The following ADAMTSL2 variants were observed in gnomAD, a reference collection of about 807,000 sequenced individuals.
ADAMTSL2 encodes ADAMTS-like protein 2.
In ADAMTSL2, 55 loss-of-function variants were observed where a neutral mutation model predicts 117.0. The observed-to-expected ratio is 0.47, with a 90% CI of 0.38 to 0.59. The LOEUF is 0.59. Among genes scored for constraint, ADAMTSL2 ranks in the 20% least tolerant of loss-of-function variants. ADAMTSL2 has a pLI of 0.00. For missense variants in ADAMTSL2, 1,182 were observed against 1,354.5 expected (o/e 0.87, Z 2.00); for synonymous variants, 572 against 566.4 (o/e 1.01, Z -0.14).
At chr9:133,538,757 C>T (rs1185129998) in intron 4 of ADAMTSL2, among the ~76,000 whole-genome samples, 2 of 152,188 alleles carry the variant, frequency 1.3e-5, no homozygotes, top group Admixed American at 6.5e-5. Context: ...GCACCTGGTG[C>T]TCACAGAGAC....
rs189143682 is a variant in ADAMTSL2, at chr9:133,538,861, C to T, written c.309+437C>T. ...TGCTCTCGGAGCCCTTCTGCTCCAGCCCCCATCAGCTTCCTTGGGTAGCCG... is the reference window on the plus strand; with the variant it reads ...TGCTCTCGGAGCCCTTCTGCTCCAGTCCCCATCAGCTTCCTTGGGTAGCCG... On this transcript the variant is annotated intron_variant, in intron 4 of 18. Transcript: ENST00000651351. Among the ~76,000 whole-genome samples the T allele has an allele frequency of 3.2e-3, 494 of 152,222 alleles. 1 individual carries two copies. Among genetic ancestry groups the T allele is most frequent in the African/African-American group, 0.012 (480 of 41,534 alleles).
At position 133,557,043 on chromosome 9, in the gene ADAMTSL2, C is replaced by T. The variant is rs1041886064; in HGVS notation, c.1649+1113C>T. ...CCAACCCAAGCCCTTTGACTTTAGA[C>T]GCAAGCATGAACTGAACCCGGCCTG... On this transcript the variant is annotated intron_variant, in intron 11 of 18. Transcript: ENST00000651351. This position sits in a 1 kb window ranked among gnomAD's most constrained non-coding sequence, Gnocchi z 5.2. 1.2e-4 allele frequency among the ~76,000 whole-genome samples: 18 copies of T among 152,292 alleles called. No individual in the cohort carries two copies. Among genetic ancestry groups the T allele is most frequent in the Admixed American group, 3.3e-4 (5 of 15,304 alleles).
intron 12 of ADAMTSL2, among the ~76,000 whole-genome samples, chr9:133,565,880 CAGCAGA>C: frequency 6.6e-6 from 1 of 151,384 alleles, no homozygotes; most frequent in Admixed American, 6.6e-5. Flanking sequence ...CACACAGCCA[CAGCAGA>C]AGCAGCAAAC....
At position 133,557,670 on chromosome 9, in the gene ADAMTSL2, G is replaced by A. The variant is rs1367002945; in HGVS notation, c.1649+1740G>A. 2.6e-5 allele frequency among the ~76,000 whole-genome samples: 4 copies of A among 152,154 alleles called. No homozygotes were observed. Among genetic ancestry groups the A allele is most frequent in the South Asian group, 2.1e-4 (1 of 4,836 alleles). ...CCCTCTTCACCTCCCAGGGCAGTCC[G>A]GGGCATTCCCTGGTATTCCGTGTGT... On this transcript the variant is annotated intron_variant, in intron 11 of 18. Coordinates refer to ENST00000651351, the MANE Select transcript of ADAMTSL2 (RefSeq NM_014694.4). This position sits in a 1 kb window ranked among gnomAD's most constrained non-coding sequence, Gnocchi z 5.2.
chr9:133,536,571 A>G lies in ADAMTSL2; in HGVS notation c.-142A>G. ...TTCATCCTTCCCAACAGGGTCTGCC[A>G]GACAACCACGACCAACTAGTCCCAG... On this transcript the variant is annotated 5_prime_UTR_variant, in exon 2 of 19. Coordinates refer to ENST00000651351, the MANE Select transcript of ADAMTSL2 (RefSeq NM_014694.4). The G allele has an allele frequency of 6.3e-7, 1 of 1,583,062 alleles. No homozygotes were observed. The highest frequency in any genetic ancestry group is 8.6e-7 in the Non-Finnish European group (1 of 1,162,750).
At chr9:133,569,617 C>T in intron 16 of ADAMTSL2, 39 bp downstream of exon 16, 1 of 1,548,334 alleles carries the variant, frequency 6.5e-7, no homozygotes, top group South Asian at 1.2e-5. Flanking sequence ...CTCCTGGTAT[C>T]TGGAGAGCAT....
At chr9:133,544,579 C>T (rs141460094) in intron 8 of ADAMTSL2, 29 bp downstream of exon 8, 7 of 1,594,304 alleles carry the variant, frequency 4.4e-6, no homozygotes, top group African/African-American at 4.0e-5. Flanking sequence ...GCAGCTGCCT[C>T]ACTGAGCTTT....
chr9:133,534,739 G>C lies in ADAMTSL2; in HGVS notation c.-329G>C, dbSNP rs563347015. 298 of 1,415,640 alleles carry C rather than the reference G, an allele frequency of 2.1e-4. No homozygotes were observed. In the African/African-American group the frequency reaches 2.9e-3, roughly 14 times the overall value. 87.7% of individuals were successfully genotyped at this position (1,415,640 alleles called of 1,614,324 possible). A position where few individuals can be genotyped will look rare whatever the true frequency, so the allele number is the denominator to read the frequency against. On this transcript the variant is annotated 5_prime_UTR_variant, in exon 1 of 19. Transcript: ENST00000651351. ...GCCCCTCCCGGGAACCCCCTCTCTTGGATGCTCTTTGAAGTGGGAGAGGGA... is the reference window on the plus strand; with the variant it reads ...GCCCCTCCCGGGAACCCCCTCTCTTCGATGCTCTTTGAAGTGGGAGAGGGA...
intron 1 of ADAMTSL2, 138 bp from the exon 2 acceptor site, chr9:133,536,425 C>A: frequency 7.9e-7 from 1 of 1,272,944 alleles, no homozygotes; most frequent in Non-Finnish European, 1.1e-6. Context: ...TCCCTGCATG[C>A]CCTTGGATCA....
rs371616535 is a variant in ADAMTSL2, at chr9:133,568,578, CT to C, written c.2089-24del. On this transcript the variant is annotated intron_variant, in intron 14 of 18. Coordinates refer to ENST00000651351, the MANE Select transcript of ADAMTSL2 (RefSeq NM_014694.4). ...TGGCTACACCTGTGTCACACCCCCCCTGCCCCCTCCCCCTGCCGCCCCAGTG... is the reference window on the plus strand; with the variant it reads ...TGGCTACACCTGTGTCACACCCCCCCGCCCCCTCCCCCTGCCGCCCCAGTG... 3,167 of 1,557,890 alleles carry C rather than the reference CT, an allele frequency of 2.0e-3. 56 individuals carry two copies. In the African/African-American group the frequency reaches 0.037, roughly 18 times the overall value.
chr9:133,570,497 C>T lies in ADAMTSL2; in HGVS notation c.2582C>T (p.Pro861Leu), dbSNP rs1831080999. The change falls in exon 17 of 19, where the codon CCC (proline) becomes CTC (leucine). Residue 861 changes from proline to leucine, a missense_variant. Pro to Leu is a moderately conservative substitution (Grantham distance 98). Coordinates refer to ENST00000651351, the MANE Select transcript of ADAMTSL2 (RefSeq NM_014694.4). ...CCCTGCTTCAAGTGGTACACCAGCC[C>T]CTGGTCAGAGGTGAGCTCCCAGCCG... Reference protein sequence around the residue: ...ERPCFKWYTSPWSECTKTCGV... With the variant: ...ERPCFKWYTSLWSECTKTCGV... The T allele has an allele frequency of 6.2e-7, 1 of 1,611,678 alleles. No individual in the cohort carries two copies. Among genetic ancestry groups the T allele is most frequent in the Non-Finnish European group, 8.5e-7 (1 of 1,179,492 alleles).
At position 133,544,980 on chromosome 9, in the gene ADAMTSL2, C is replaced by T. The variant is rs190448207; in HGVS notation, c.763+430C>T. ...GGATTCCGACTCAGGTCTGGGGTCT[C>T]ATGCTGATGTTCTTGCCATTAGTCA... On this transcript the variant is annotated intron_variant, in intron 8 of 18. Transcript: ENST00000651351. Among the ~76,000 whole-genome samples, 244 of 149,706 alleles carry T rather than the reference C, an allele frequency of 1.6e-3. 2 individuals are homozygous for T. Among genetic ancestry groups the T allele is most frequent in the African/African-American group, 5.5e-3 (226 of 41,386 alleles).
chr9:133,554,692 A>T lies in ADAMTSL2; in HGVS notation c.1275A>T (p.Arg425=). The part of the protein sequence containing the change: ...CEGPPRGKGF[R]DRNVTGTPLT... ...GGCCCCCCAGGGGCAAGGGCTTCCG[A>T]GGTAACCAGGAGGAGGGAGGCATGA... Residue 425 remains arginine, a splice_region_variant and synonymous_variant, in exon 10 of 19, where the codon CGA becomes CGT. Transcript: ENST00000651351. The surrounding 1 kb of genome is among the most constrained non-coding windows in gnomAD (Gnocchi z 5.2). 1 of 1,486,620 alleles carries T rather than the reference A, an allele frequency of 6.7e-7. No homozygotes were observed. The highest frequency in any genetic ancestry group is 1.3e-5 in the South Asian group (1 of 74,548). The allele number at this position is 1,486,620 out of a possible 1,614,324, so 92.1% of individuals were successfully genotyped here.
intron 12 of ADAMTSL2, among the ~76,000 whole-genome samples, chr9:133,561,669 A>C (rs1034622689): frequency 1.3e-5 from 2 of 152,206 alleles, no homozygotes; most frequent in Non-Finnish European, 2.9e-5. Flanking sequence ...CAAACATAGG[A>C]AGGGAGTCAT....
intron 9 of ADAMTSL2, among the ~76,000 whole-genome samples, chr9:133,547,721 C>T (rs1206712114): frequency 1.3e-5 from 2 of 152,200 alleles, no homozygotes; most frequent in Admixed American, 1.3e-4. Context: ...TCAGGCTCCA[C>T]CCCCTCCCCA....
chr9:133,568,326 A>G lies in ADAMTSL2; in HGVS notation c.1928A>G (p.Gln643Arg). 6.3e-7 allele frequency: 1 copy of G among 1,584,674 alleles called. No homozygotes were observed. The highest frequency in any genetic ancestry group is 8.6e-7 in the Non-Finnish European group (1 of 1,166,360). Residue 643 changes from glutamine to arginine, a missense_variant, in exon 14 of 19, where the codon CAG (glutamine) becomes CGG (arginine). Around this residue, in one of 3 missense-constraint regions of ADAMTSL2, gnomAD observed 465 missense variants for 565.3 expected, o/e 0.82. Coordinates refer to ENST00000651351, the MANE Select transcript of ADAMTSL2 (RefSeq NM_014694.4). ...TCGCGCACCTGCGGAGAGGGCTACC[A>G]GTTCCGCGTCGTGCGCTGCTGGAAG... ...ECSRTCGEGY[Q>R]FRVVRCWKML... is the part of the protein sequence containing the mutation.
At chr9:133,553,857 G>T (rs1476313967) in intron 9 of ADAMTSL2, among the ~76,000 whole-genome samples, 1 of 152,228 alleles carries the variant, frequency 6.6e-6, no homozygotes, top group Non-Finnish European at 1.5e-5. Context: ...CTGGAGCGGG[G>T]ATGAGCCTTC....
upstream of ADAMTSL2, among the ~76,000 whole-genome samples, chr9:133,533,865 G>A (rs910047902): frequency 3.3e-5 from 5 of 152,188 alleles, no homozygotes; most frequent in Non-Finnish European, 5.9e-5. Flanking sequence ...TCTGTTTGCC[G>A]AGGATGGGCT....
At chr9:133,548,348 T>G (rs1209124518) in intron 9 of ADAMTSL2, among the ~76,000 whole-genome samples, 1 of 152,246 alleles carries the variant, frequency 6.6e-6, no homozygotes, top group Non-Finnish European at 1.5e-5. Flanking sequence ...GACCCCGGAA[T>G]CAAATGGGGG....
Sources: allele counts gnomAD v4.1 joint callset (sites outside exome capture counted in the v4.1 genomes callset), GRCh38; gene constraint gnomAD v4.1.1; regional missense constraint gnomAD v4.1.1; non-coding constraint Gnocchi (gnomAD v3.1); transcripts MANE v1.5; gene names NCBI Gene and HGNC (gene_info 2026-07-23, HGNC 2026-07-21).